Variants in COMMD10 observed in about 807,000 individuals in gnomAD.
The protein encoded by COMMD10 is COMM domain containing 10, also known as COMM domain-containing protein 10.
A neutral mutation model predicts 28.9 loss-of-function variants in COMMD10; 33 were observed. The ratio of observed to expected loss-of-function variants is 1.14; its 90% CI spans 0.87 to 1.53. The LOEUF is 1.53. Ranked by LOEUF, COMMD10 falls within the 40% of genes most tolerant of loss-of-function variation. The pLI is 0.00. For synonymous variants in COMMD10, 110 were observed against 81.7 expected, an observed-to-expected ratio of 1.35 and a Z score of -1.87; for missense variants, 310 against 233.4, an observed-to-expected ratio of 1.33 and a Z score of -2.14.
At position 116,204,194 on chromosome 5, in the gene COMMD10, C is replaced by T. The variant is rs191760692; in HGVS notation, c.510+70016C>T. Reference sequence around the variant, plus strand: ...CAATTCAACAAGAAGAGCTATCTATCCTAAATATATATGCACCCAATACAG... The same window carrying T: ...CAATTCAACAAGAAGAGCTATCTATTCTAAATATATATGCACCCAATACAG... On this transcript the variant is annotated intron_variant, in intron 5 of 6. Transcript: ENST00000274458. 3.9e-4 allele frequency among the ~76,000 whole-genome samples: 60 copies of T among 152,236 alleles called. 3 individuals carry two copies. The South Asian group carries it at 1.0e-2, about 25-fold the overall frequency.
chr5:116,261,758 ACTGTT>A (rs1161101773), intron 5 of COMMD10, among the ~76,000 whole-genome samples: 4 of 151,498 alleles, frequency 2.6e-5, no homozygotes, highest in Admixed American at 2.6e-4. Flanking sequence ...ATCAACTTAA[ACTGTT>A]CTTTTTGAAA....
intron 5 of COMMD10, among the ~76,000 whole-genome samples, chr5:116,155,412 G>C (rs1024921436): frequency 6.6e-6 from 1 of 151,976 alleles, no homozygotes; most frequent in Non-Finnish European, 1.5e-5. Context: ...CATTAAGAAA[G>C]TCTCCTGTCT....
At chr5:116,167,739 A>G (rs1160609667) in intron 5 of COMMD10, among the ~76,000 whole-genome samples, 1 of 152,210 alleles carries the variant, frequency 6.6e-6, no homozygotes, top group Non-Finnish European at 1.5e-5. Context: ...GCTAAATTCC[A>G]TAAGTGAAGG....
At chr5:116,208,305 C>A (rs1748869701) in intron 5 of COMMD10, among the ~76,000 whole-genome samples, 1 of 152,054 alleles carries the variant, frequency 6.6e-6, no homozygotes, top group African/African-American at 2.4e-5. Flanking sequence ...TCCTGTGTAA[C>A]CTTTGGAATA....
chr5:116,229,459 T>G, intron 5 of COMMD10, among the ~76,000 whole-genome samples: 1 of 152,034 alleles, frequency 6.6e-6, no homozygotes, highest in East Asian at 1.9e-4. Flanking sequence ...GACAGCACTG[T>G]AGCATTACCT....
chr5:116,241,714 G>T (rs755312013), intron 5 of COMMD10, among the ~76,000 whole-genome samples: 3 of 151,906 alleles, frequency 2.0e-5, no homozygotes, highest in African/African-American at 4.8e-5. Flanking sequence ...CCGGGTTCTC[G>T]CCATTCTTCT....
chr5:116,157,670 A>T (rs367591516), intron 5 of COMMD10, among the ~76,000 whole-genome samples: 4 of 152,230 alleles, frequency 2.6e-5, no homozygotes, highest in Admixed American at 2.0e-4. Context: ...TTGATGGAAC[A>T]TGCTGCAAAG....
At chr5:116,271,761 C>G (rs889037191) in intron 5 of COMMD10, among the ~76,000 whole-genome samples, 1 of 151,854 alleles carries the variant, frequency 6.6e-6, no homozygotes, top group Non-Finnish European at 1.5e-5. Flanking sequence ...AAGTCAGACC[C>G]TGCTTAAATG....
chr5:116,090,422 A>G (rs1024211118), intron 2 of COMMD10, among the ~76,000 whole-genome samples: 8 of 152,236 alleles, frequency 5.3e-5, no homozygotes, highest in Non-Finnish European at 1.0e-4. Context: ...GTGAACTTGC[A>G]TAGCTGGGAA....
intron 5 of COMMD10, among the ~76,000 whole-genome samples, chr5:116,213,625 A>G (rs1388183892): frequency 1.3e-5 from 2 of 152,172 alleles, no homozygotes; most frequent in Non-Finnish European, 2.9e-5. Context: ...TAACCTGTTC[A>G]GAAGTCTTTT....
intron 5 of COMMD10, among the ~76,000 whole-genome samples, chr5:116,274,043 C>T (rs548109378): frequency 4.6e-5 from 7 of 151,624 alleles, no homozygotes; most frequent in African/African-American, 2.4e-5. Context: ...AAGATATGAT[C>T]TAACAGCCTC....
intron 4 of COMMD10, among the ~76,000 whole-genome samples, chr5:116,096,297 T>C (rs924838273): frequency 6.6e-6 from 1 of 151,926 alleles, no homozygotes; most frequent in African/African-American, 2.4e-5. Flanking sequence ...AATCCTGCCC[T>C]TATTTTGTTA....
chr5:116,134,318 A>G, intron 5 of COMMD10, 140 bp downstream of exon 5: 1 of 554,372 alleles, frequency 1.8e-6, no homozygotes, highest in Non-Finnish European at 3.2e-6. Flanking sequence ...ATCTTTTTTG[A>G]CAGAAATAGC....
At chr5:116,142,512 T>A (rs1044755861) in intron 5 of COMMD10, among the ~76,000 whole-genome samples, 2 of 151,798 alleles carry the variant, frequency 1.3e-5, no homozygotes, top group African/African-American at 4.8e-5. Flanking sequence ...CTTATTTAGT[T>A]TGATAAATGG....
intron 5 of COMMD10, among the ~76,000 whole-genome samples, chr5:116,233,612 A>G (rs140201019): frequency 6.6e-6 from 1 of 152,304 alleles, no homozygotes; most frequent in East Asian, 1.9e-4. Context: ...CCTCACTGAT[A>G]AGGTGACACT....
intron 1 of COMMD10, among the ~76,000 whole-genome samples, chr5:116,087,103 A>T (rs1750128268): frequency 1.3e-5 from 2 of 152,310 alleles, no homozygotes; most frequent in South Asian, 2.1e-4. Flanking sequence ...GCCTTGCAGT[A>T]TTCTTTTATG....
chr5:116,096,968 A>G (rs1185000680), intron 4 of COMMD10, among the ~76,000 whole-genome samples: 3 of 151,740 alleles, frequency 2.0e-5, no homozygotes, highest in African/African-American at 7.3e-5. Flanking sequence ...CCTATATTTT[A>G]TACAGTCCGT....
chr5:116,251,296 TTA>T (rs1297625713), intron 5 of COMMD10, among the ~76,000 whole-genome samples: 3 of 149,448 alleles, frequency 2.0e-5, no homozygotes, highest in South Asian at 2.1e-4. Context: ...ATTTATTTAT[TTA>T]TTTATTATTA....
At position 116,267,630 on chromosome 5, in the gene COMMD10, T is replaced by C. The variant is rs564221281; in HGVS notation, c.511-23887T>C. On this transcript the variant is annotated intron_variant, in intron 5 of 6. Coordinates refer to ENST00000274458, the MANE Select transcript of COMMD10 (RefSeq NM_016144.4). ...GTTCATATGGAACCAAAAAAGAGCC[T>C]GCATTGCCAAGACAATCATAAGCCA... Among the ~76,000 whole-genome samples the C allele has an allele frequency of 3.5e-4, 53 of 151,936 alleles. 1 individual carries two copies. The highest frequency in any genetic ancestry group is 1.2e-3 in the Admixed American group (19 of 15,244).
Sources: gnomAD v4.1 joint callset for allele counts (sites outside exome capture counted in the v4.1 genomes callset) on GRCh38, gnomAD v4.1.1 for gene constraint, MANE v1.5 for transcripts, NCBI Gene and HGNC (gene_info 2026-07-23, HGNC 2026-07-21) for gene names.